KCNIP4: variants seen among roughly 807,000 people sequenced by gnomAD.
KCNIP4 encodes potassium voltage-gated channel interacting protein 4.
A neutral mutation model predicts 34.0 loss-of-function variants in KCNIP4; 12 were observed. That is an observed-to-expected ratio of 0.35 (90% confidence interval 0.23 to 0.57). The LOEUF (loss-of-function observed/expected upper bound fraction) is 0.57. Among genes scored for constraint, KCNIP4 ranks in the 20% least tolerant of loss-of-function variants. The pLI is 0.83. For synonymous variants in KCNIP4, 124 were observed against 102.2 expected, an observed-to-expected ratio of 1.21 and a Z score of -1.29; for missense variants, 238 against 311.7, an observed-to-expected ratio of 0.76 and a Z score of 1.78.
intron 1 of KCNIP4, among the ~76,000 whole-genome samples, chr4:21,895,654 A>C (rs1727342163): frequency 6.6e-6 from 1 of 152,204 alleles, no homozygotes; most frequent in African/African-American, 2.4e-5. Flanking sequence ...GGGTTTCATT[A>C]GGCCTGCAAA....
intron 1 of KCNIP4, among the ~76,000 whole-genome samples, chr4:21,507,259 TTTTTA>T (rs1733923815): frequency 6.6e-6 from 1 of 151,426 alleles, no homozygotes; most frequent in African/African-American, 2.4e-5. Context: ...AATGGCTTTA[TTTTTA>T]TTTTAATTTT....
At chr4:20,993,027 CA>C (rs11416440) in intron 1 of KCNIP4, among the ~76,000 whole-genome samples, 1,419 of 42,010 alleles carry the variant, frequency 0.034, 7 homozygotes, top group African/African-American at 0.096. Context: ...GACTCCATCT[CA>C]AAAAAAAAAA....
chr4:20,747,222 G>A (rs542469540), intron 5 of KCNIP4, among the ~76,000 whole-genome samples: 1 of 152,100 alleles, frequency 6.6e-6, no homozygotes. Context: ...TATAAAATTG[G>A]ATATAATGTG....
chr4:20,758,894 G>A lies in KCNIP4; in HGVS notation c.289-4C>T, dbSNP rs772717598. ...TAACAACACCACTGGGGCATTCCTA[G>A]GGAAAGTGGCAGAGAAGCAATATGA... On this transcript the variant is annotated splice_polypyrimidine_tract_variant and splice_region_variant and intron_variant, in intron 3 of 8. Transcript: ENST00000382152. The A allele has an allele frequency of 6.2e-7, 1 of 1,611,766 alleles. No homozygotes were observed. Among genetic ancestry groups the A allele is most frequent in the South Asian group, 1.1e-5 (1 of 90,710 alleles).
intron 1 of KCNIP4, among the ~76,000 whole-genome samples, chr4:21,558,493 A>AAATAAAT (rs1739256218): frequency 4.0e-5 from 6 of 149,106 alleles, no homozygotes; most frequent in Non-Finnish European, 7.4e-5. Flanking sequence ...TTCTGTCTCA[A>AAATAAAT]AAATAAATAA....
intron 1 of KCNIP4, among the ~76,000 whole-genome samples, chr4:21,398,069 T>G (rs1723156417): frequency 1.3e-5 from 2 of 152,198 alleles, no homozygotes; most frequent in African/African-American, 4.8e-5. Context: ...TCATTATAGG[T>G]TTAGCTGAGG....
At position 20,874,502 on chromosome 4, in the gene KCNIP4, C is replaced by T. The variant is rs188273234; in HGVS notation, c.163+8106G>A. Among the ~76,000 whole-genome samples, 13 of 152,180 alleles carry T rather than the reference C, an allele frequency of 8.5e-5. 1 individual carries two copies. In the East Asian group the frequency reaches 2.1e-3, roughly 25 times the overall value. On this transcript the variant is annotated intron_variant, in intron 2 of 8. Transcript: ENST00000382152. ...ATGTCTGCCATATTGAAGTGAAATT[C>T]ATTAAATTTGTCAACAGAAAACAGG...
At chr4:21,607,390 A>G (rs966165527) in intron 1 of KCNIP4, among the ~76,000 whole-genome samples, 11 of 152,094 alleles carry the variant, frequency 7.2e-5, no homozygotes, top group Admixed American at 7.2e-4. Flanking sequence ...AGAAGATAAA[A>G]TTATTAAACA....
At chr4:21,550,423 T>A (rs183760328) in intron 1 of KCNIP4, among the ~76,000 whole-genome samples, 39 of 152,232 alleles carry the variant, frequency 2.6e-4, no homozygotes, top group Non-Finnish European at 4.3e-4. Context: ...CAAATTAGAT[T>A]AGAGTGCCTG....
intron 1 of KCNIP4, among the ~76,000 whole-genome samples, chr4:21,829,754 GAAGA>G (rs1363271213): frequency 2.0e-5 from 3 of 151,468 alleles, no homozygotes; most frequent in Non-Finnish European, 2.9e-5. Flanking sequence ...AGAAAAAGAG[GAAGA>G]AAGGAACAAA....
At chr4:21,323,154 A>ATATATATATATATATATC (rs1714676348) in intron 1 of KCNIP4, among the ~76,000 whole-genome samples, 1 of 80,802 alleles carries the variant, frequency 1.2e-5, no homozygotes. Flanking sequence ...GTATATATAT[A>ATATATATATATATATATC]TATATATATG....
intron 3 of KCNIP4, among the ~76,000 whole-genome samples, chr4:20,849,521 G>T (rs1217457016): frequency 1.3e-5 from 2 of 152,148 alleles, no homozygotes; most frequent in Non-Finnish European, 2.9e-5. Flanking sequence ...GTCTGCATAA[G>T]GTTGGACAAA....
intron 1 of KCNIP4, among the ~76,000 whole-genome samples, chr4:21,756,804 T>C (rs1327088985): frequency 6.6e-6 from 1 of 151,584 alleles, no homozygotes; most frequent in East Asian, 2.0e-4. Flanking sequence ...AACTCGCTTT[T>C]AGAGAAAATA....
intron 1 of KCNIP4, among the ~76,000 whole-genome samples, chr4:21,739,260 C>A (rs898936593): frequency 2.6e-5 from 4 of 151,940 alleles, no homozygotes; most frequent in Non-Finnish European, 4.4e-5. Context: ...TACCCTAAGA[C>A]CATACAACTG....
intron 1 of KCNIP4, among the ~76,000 whole-genome samples, chr4:21,026,315 G>C (rs2149756706): frequency 6.6e-6 from 1 of 152,254 alleles, no homozygotes; most frequent in Non-Finnish European, 1.5e-5. Context: ...CGTTATTATA[G>C]CTCTTGTTAT....
At chr4:20,980,317 G>A (rs1288177000) in intron 1 of KCNIP4, among the ~76,000 whole-genome samples, 3 of 152,206 alleles carry the variant, frequency 2.0e-5, no homozygotes, top group Non-Finnish European at 2.9e-5. Context: ...ACAAACTAAA[G>A]TATGAAATGA....
intron 1 of KCNIP4, among the ~76,000 whole-genome samples, chr4:21,425,798 C>T (rs184069549): frequency 5.9e-4 from 90 of 152,200 alleles, no homozygotes; most frequent in African/African-American, 2.1e-3. Context: ...GTCTGTAATC[C>T]CAGCACTTTG....
At chr4:21,048,923 C>G (rs550764004) in intron 1 of KCNIP4, among the ~76,000 whole-genome samples, 3 of 146,082 alleles carry the variant, frequency 2.1e-5, no homozygotes, top group Admixed American at 1.4e-4. Context: ...ACCCCCAGCT[C>G]TTTCAGTACC....
At chr4:20,779,497 C>G (rs1015885159) in intron 3 of KCNIP4, among the ~76,000 whole-genome samples, 7 of 151,350 alleles carry the variant, frequency 4.6e-5, no homozygotes, top group African/African-American at 1.7e-4. Context: ...AGGTATGTGA[C>G]AGGTTGGAAA....
Sources: gnomAD v4.1 joint callset for allele counts (sites outside exome capture counted in the v4.1 genomes callset) on GRCh38, gnomAD v4.1.1 for gene constraint, MANE v1.5 for transcripts, NCBI Gene and HGNC (gene_info 2026-07-23, HGNC 2026-07-21) for gene names.